RPS6KC1: variants seen among roughly 807,000 people sequenced by gnomAD.
The protein encoded by RPS6KC1 is ribosomal protein S6 kinase C1, also known as inactive ribosomal protein S6 kinase delta-1.
A neutral mutation model predicts 103.8 loss-of-function variants in RPS6KC1; 54 were observed. The ratio of observed to expected loss-of-function variants is 0.52; its 90% confidence interval spans 0.42 to 0.65. RPS6KC1 has a LOEUF of 0.65. Among genes scored for constraint, RPS6KC1 ranks in the 30% least tolerant of loss-of-function variants. The pLI is 0.00. For synonymous variants in RPS6KC1, 439 were observed against 438.7 expected, an observed-to-expected ratio of 1.00 and a Z score of -0.01; for missense variants, 1,151 against 1,253.8, an observed-to-expected ratio of 0.92 and a Z score of 1.24.
chr1:213,311,017 G>A, the RPS6KC1 span, among the ~76,000 whole-genome samples: 3 of 152,168 alleles, frequency 2.0e-5, no homozygotes, highest in Non-Finnish European at 4.4e-5. Flanking sequence ...GAAGACACTC[G>A]TTCAGAGCCT....
intron 8 of RPS6KC1, among the ~76,000 whole-genome samples, chr1:213,189,731 C>G (rs1197160691): frequency 1.3e-5 from 2 of 152,214 alleles, no homozygotes; most frequent in African/African-American, 2.4e-5. Flanking sequence ...GTTGTTTTAT[C>G]AAATTCTAGT....
the RPS6KC1 span, among the ~76,000 whole-genome samples, chr1:213,316,396 C>T: frequency 1.3e-5 from 2 of 152,098 alleles, no homozygotes; most frequent in Non-Finnish European, 2.9e-5. Flanking sequence ...GGTGTTTAGT[C>T]CGAGGAAGAG....
chr1:213,753,792 T>C, the RPS6KC1 span, among the ~76,000 whole-genome samples: 1 of 152,164 alleles, frequency 6.6e-6, no homozygotes, highest in Non-Finnish European at 1.5e-5. Flanking sequence ...TATCCAACAC[T>C]AAGCATTCGT....
chr1:213,710,099 A>C, the RPS6KC1 span, among the ~76,000 whole-genome samples: 1 of 151,742 alleles, frequency 6.6e-6, no homozygotes, highest in East Asian at 1.9e-4. Flanking sequence ...TTGTTGATCT[A>C]ATATTGACAG....
chr1:213,446,066 C>G, the RPS6KC1 span, among the ~76,000 whole-genome samples: 1 of 152,134 alleles, frequency 6.6e-6, no homozygotes, highest in South Asian at 2.1e-4. Context: ...CCTCTTGGAG[C>G]CTTCTGGAGA....
rs1225469433 is a variant in RPS6KC1 at position 213,241,841 on chromosome 1, A to G, written c.2365A>G (p.Met789Val). 1.2e-5 allele frequency: 19 copies of G among 1,613,886 alleles called. No homozygotes were observed. Among genetic ancestry groups the G allele is most frequent in the Admixed American group, 1.7e-5 (1 of 59,960 alleles). Residue 789 changes from methionine (M) to valine (V), a missense_variant, in exon 11 of 15, where the codon ATG (methionine) becomes GTG (valine). By Grantham distance (21) the Met-to-Val change is conservative. Coordinates refer to ENST00000366960, the MANE Select transcript of RPS6KC1 (RefSeq NM_012424.6). ...TGTTGATCATAGTAGTTCAGGAGAT[A>G]TGTCTTTGTTACCCAGCTCAGATCC... Reference protein sequence around the residue: ...AAVDHSSSGDMSLLPSSDPKF... With the variant: ...AAVDHSSSGDVSLLPSSDPKF...
chr1:213,056,291 G>A (rs965445953), intron 1 of RPS6KC1, among the ~76,000 whole-genome samples: 10 of 152,152 alleles, frequency 6.6e-5, no homozygotes, highest in East Asian at 1.9e-4. Context: ...GCACAGAGAC[G>A]TTTAGTAACT....
chr1:213,621,921 C>A, the RPS6KC1 span, among the ~76,000 whole-genome samples: 1 of 152,060 alleles, frequency 6.6e-6, no homozygotes, highest in South Asian at 2.1e-4. Context: ...AAGGGCTGGC[C>A]GACCCTGGGC....
intron 8 of RPS6KC1, among the ~76,000 whole-genome samples, chr1:213,208,389 C>T (rs1262892983): frequency 6.6e-6 from 1 of 152,176 alleles, no homozygotes; most frequent in Non-Finnish European, 1.5e-5. Flanking sequence ...TTTTTCTCCT[C>T]CTTTGCCTTT....
At chr1:213,451,598 G>T in the RPS6KC1 span, among the ~76,000 whole-genome samples, 1 of 152,210 alleles carries the variant, frequency 6.6e-6, no homozygotes, top group Non-Finnish European at 1.5e-5. Flanking sequence ...TGACTTTAAG[G>T]CCTGTTTTTC....
chr1:213,844,497 G>A, the RPS6KC1 span, among the ~76,000 whole-genome samples: 8 of 152,188 alleles, frequency 5.3e-5, no homozygotes, highest in Non-Finnish European at 1.2e-4. Context: ...ATTTAAGAAT[G>A]CATTTTCTCC....
chr1:213,583,556 C>T, the RPS6KC1 span, among the ~76,000 whole-genome samples: 66 of 152,232 alleles, frequency 4.3e-4, 1 homozygote, highest in Admixed American at 1.2e-3. Context: ...CACGATGGCT[C>T]ATGACTGTAA....
chr1:213,232,123 G>T lies in RPS6KC1; in HGVS notation c.1093G>T (p.Gly365Cys). 1.2e-6 allele frequency: 2 copies of T among 1,613,634 alleles called. No individual in the cohort carries two copies. The highest frequency in any genetic ancestry group is 1.7e-6 in the Non-Finnish European group (2 of 1,179,778). Residue 365 changes from glycine (G) to cysteine (C), a missense_variant and splice_region_variant, in exon 10 of 15, where the codon GGT becomes TGT. Around this residue, in one of 3 missense-constraint regions of RPS6KC1, gnomAD observed 959 missense variants for 1,006.3 expected, o/e 0.95. Coordinates refer to ENST00000366960, the MANE Select transcript of RPS6KC1 (RefSeq NM_012424.6). ...AACTGACCTTTTTGTTCTCTGTCAGGGTCTAAGGAAAAGCAGTGAATACAG... is the reference window on the plus strand; with the variant it reads ...AACTGACCTTTTTGTTCTCTGTCAGTGTCTAAGGAAAAGCAGTGAATACAG... ...TRTEQTFILK[G>C]LRKSSEYSRN...
At chr1:213,117,219 G>C (rs932325028) in intron 4 of RPS6KC1, 98 bp from the exon 5 acceptor site, 41 of 640,316 alleles carry the variant, frequency 6.4e-5, no homozygotes, top group Non-Finnish European at 1.1e-4. Flanking sequence ...AGTCGTTTCT[G>C]TACATCTTTA....
At chr1:213,423,717 T>A in the RPS6KC1 span, among the ~76,000 whole-genome samples, 1 of 152,164 alleles carries the variant, frequency 6.6e-6, no homozygotes, top group Non-Finnish European at 1.5e-5. Context: ...TGAGGCACAG[T>A]TTCTTTCCTT....
the RPS6KC1 span, among the ~76,000 whole-genome samples, chr1:213,426,290 GTTGT>G: frequency 1.3e-5 from 2 of 152,176 alleles, no homozygotes; most frequent in African/African-American, 2.4e-5. Context: ...TCTGAATGAA[GTTGT>G]GAGTCCTGGG....
chr1:213,151,124 A>AC (rs1179782136), intron 6 of RPS6KC1, among the ~76,000 whole-genome samples: 9 of 125,808 alleles, frequency 7.2e-5, no homozygotes, highest in Non-Finnish European at 1.0e-4. Context: ...CGGGGGGCTG[A>AC]CCCCCCCACC....
the RPS6KC1 span, among the ~76,000 whole-genome samples, chr1:213,626,369 T>C: frequency 1.3e-5 from 2 of 152,366 alleles, no homozygotes; most frequent in South Asian, 4.1e-4. Flanking sequence ...TCTCCCATTC[T>C]GTAGGTTGCC....
At chr1:213,716,776 T>C in the RPS6KC1 span, among the ~76,000 whole-genome samples, 1 of 152,184 alleles carries the variant, frequency 6.6e-6, no homozygotes, top group African/African-American at 2.4e-5. Flanking sequence ...TTTCTTTCCT[T>C]TGGATAAAAT....
Sources: allele counts gnomAD v4.1 joint callset (sites outside exome capture counted in the v4.1 genomes callset), GRCh38; gene constraint gnomAD v4.1.1; regional missense constraint gnomAD v4.1.1; transcripts MANE v1.5; gene names NCBI Gene and HGNC (gene_info 2026-07-23, HGNC 2026-07-21).